The following ADGRL3 variants were observed in gnomAD, a reference collection of about 807,000 sequenced individuals.
The protein encoded by ADGRL3 is adhesion G protein-coupled receptor L3, also known as calcium-independent alpha-latrotoxin receptor 3.
A neutral mutation model predicts 153.5 loss-of-function variants in ADGRL3; 62 were observed. That is an observed-to-expected ratio of 0.40 (90% CI 0.33 to 0.50). ADGRL3 has a LOEUF of 0.50. Ranked by LOEUF, ADGRL3 falls within the 20% of genes least tolerant of loss-of-function variation. The pLI is 0.47. For missense variants in ADGRL3, 1,641 were observed against 1,859.4 expected, an observed-to-expected ratio of 0.88 and a Z score of 2.16; for synonymous variants, 710 against 672.5, an observed-to-expected ratio of 1.06 and a Z score of -0.86.
At position 62,070,226 on chromosome 4, in the gene ADGRL3, TCATAGACCGTGG is replaced by T. The variant is rs746599149; in HGVS notation, c.3952_3963del (p.Ile1318_Gly1321del). On this transcript the variant is annotated inframe_deletion, in exon 27 of 27. Transcript: ENST00000683033. ...GAATACCTGAGCAACTGTGTGCAAA[TCATAGACCGTGG>T]CTATAACCATAACGAGACCGCCCTA... The T allele has an allele frequency of 1.9e-6, 3 of 1,613,752 alleles. No homozygotes were observed. In the African/African-American group the frequency reaches 4.0e-5, roughly 22 times the overall value.
intron 1 of ADGRL3, among the ~76,000 whole-genome samples, chr4:61,237,132 C>A (rs1753154302): frequency 6.6e-6 from 1 of 151,994 alleles, no homozygotes; most frequent in Non-Finnish European, 1.5e-5. Context: ...ATAGTGTTTT[C>A]TTTTAATGCA....
At chr4:61,554,239 G>C (rs1239411558) in intron 4 of ADGRL3, among the ~76,000 whole-genome samples, 1 of 147,822 alleles carries the variant, frequency 6.8e-6, no homozygotes, top group Non-Finnish European at 1.5e-5. Flanking sequence ...TGTTGCCCAG[G>C]CTGGAGTGCA....
At chr4:61,888,453 C>G (rs1286316226) in intron 9 of ADGRL3, among the ~76,000 whole-genome samples, 2 of 152,296 alleles carry the variant, frequency 1.3e-5, no homozygotes, top group East Asian at 3.9e-4. Context: ...GACTGTTCAG[C>G]AAATCTATAT....
At chr4:61,552,842 G>C (rs891277016) in intron 4 of ADGRL3, among the ~76,000 whole-genome samples, 1 of 152,046 alleles carries the variant, frequency 6.6e-6, no homozygotes, top group Non-Finnish European at 1.5e-5. Flanking sequence ...TTGCTTCCCT[G>C]TCTAGCTTAT....
intron 6 of ADGRL3, among the ~76,000 whole-genome samples, chr4:61,692,574 C>G (rs897314463): frequency 6.6e-6 from 1 of 151,806 alleles, no homozygotes; most frequent in South Asian, 2.1e-4. Context: ...TCCCAAGTAA[C>G]TGAGTTTACA....
chr4:61,947,790 T>G (rs757833473), intron 16 of ADGRL3, among the ~76,000 whole-genome samples: 21 of 152,232 alleles, frequency 1.4e-4, no homozygotes, highest in Non-Finnish European at 2.6e-4. Context: ...ATGTTGGTTG[T>G]TAAGAGCAAT....
chr4:61,542,625 C>G (rs937683647), intron 4 of ADGRL3, among the ~76,000 whole-genome samples: 5 of 151,914 alleles, frequency 3.3e-5, no homozygotes, highest in Non-Finnish European at 7.4e-5. Flanking sequence ...AATATCAGAC[C>G]CTTTGAAAGT....
intron 4 of ADGRL3, among the ~76,000 whole-genome samples, chr4:61,553,642 C>T (rs978565923): frequency 1.3e-5 from 2 of 152,020 alleles, no homozygotes; most frequent in African/African-American, 4.8e-5. Flanking sequence ...GTATTAATAA[C>T]AAGTGTAGGC....
chr4:61,728,585 GT>G (rs915354876), intron 6 of ADGRL3, among the ~76,000 whole-genome samples: 4 of 152,084 alleles, frequency 2.6e-5, no homozygotes, highest in African/African-American at 9.6e-5. Context: ...TTGTCTATGA[GT>G]TTTATGTTAA....
intron 3 of ADGRL3, among the ~76,000 whole-genome samples, chr4:61,497,850 G>A (rs2098338778): frequency 6.6e-6 from 1 of 151,980 alleles, no homozygotes. Context: ...AGCTGAAATA[G>A]TTATGAGTTT....
At chr4:61,316,260 GAAAC>G (rs1257842091) in intron 1 of ADGRL3, among the ~76,000 whole-genome samples, 1 of 152,120 alleles carries the variant, frequency 6.6e-6, no homozygotes, top group Non-Finnish European at 1.5e-5. Context: ...AAAGAGCCCT[GAAAC>G]AAACAAATTG....
intron 1 of ADGRL3, among the ~76,000 whole-genome samples, chr4:61,373,704 T>A (rs1027534937): frequency 6.6e-6 from 1 of 152,196 alleles, no homozygotes; most frequent in African/African-American, 2.4e-5. Flanking sequence ...TTTAATAGAC[T>A]TTTTTACTTT....
intron 13 of ADGRL3, among the ~76,000 whole-genome samples, chr4:61,931,276 C>A (rs778480667): frequency 6.6e-6 from 1 of 152,032 alleles, no homozygotes; most frequent in Non-Finnish European, 1.5e-5. Context: ...ATTGCATTAC[C>A]GAAGATTTAT....
chr4:61,948,368 A>G (rs1336607645), intron 17 of ADGRL3, 92 bp downstream of exon 17: 10 of 863,920 alleles, frequency 1.2e-5, no homozygotes, highest in East Asian at 2.8e-5. Context: ...TCATATTTCA[A>G]TGTTTTCCTA....
chr4:61,628,427 A>C (rs2149974309), intron 5 of ADGRL3, among the ~76,000 whole-genome samples: 1 of 152,312 alleles, frequency 6.6e-6, no homozygotes, highest in East Asian at 1.9e-4. Flanking sequence ...TCTTTGACAA[A>C]GTATTCACTT....
At chr4:61,583,698 A>C (rs1312567270) in intron 4 of ADGRL3, 1 of 518,566 alleles carries the variant, frequency 1.9e-6, no homozygotes, top group African/African-American at 1.9e-5. Flanking sequence ...GTGGTCAGTG[A>C]GTAGTTCCAA....
At chr4:61,761,174 T>C (rs1481994901) in intron 8 of ADGRL3, among the ~76,000 whole-genome samples, 2 of 152,212 alleles carry the variant, frequency 1.3e-5, no homozygotes, top group Non-Finnish European at 2.9e-5. Context: ...GGTCAGAATC[T>C]TGTAGACTCC....
intron 21 of ADGRL3, among the ~76,000 whole-genome samples, chr4:62,027,604 A>G (rs1719484408): frequency 6.6e-6 from 1 of 151,936 alleles, no homozygotes; most frequent in Non-Finnish European, 1.5e-5. Flanking sequence ...ATATCCTTAA[A>G]TAAATTTACT....
intron 1 of ADGRL3, among the ~76,000 whole-genome samples, chr4:61,324,719 A>G (rs2095431070): frequency 6.6e-6 from 1 of 152,150 alleles, no homozygotes; most frequent in Non-Finnish European, 1.5e-5. Flanking sequence ...GATTTTGAAA[A>G]TTTTTACTGA....
Sources: allele counts gnomAD v4.1 joint callset (sites outside exome capture counted in the v4.1 genomes callset), GRCh38; gene constraint gnomAD v4.1.1; transcripts MANE v1.5; gene names NCBI Gene and HGNC (gene_info 2026-07-23, HGNC 2026-07-21).